Variants in PSD4 observed in about 807,000 individuals in gnomAD.
PSD4 encodes pleckstrin and Sec7 domain containing 4, also known as PH and SEC7 domain-containing protein 4.
In PSD4, 59 loss-of-function variants were observed where a neutral mutation model predicts 112.5. The observed-to-expected ratio is 0.52, with a 90% CI of 0.43 to 0.65. The LOEUF is 0.65. Among genes scored for constraint, PSD4 ranks in the 30% least tolerant of loss-of-function variants. The pLI, the probability that PSD4 is intolerant of heterozygous loss-of-function variation, is 0.00. For missense variants in PSD4, 1,267 were observed against 1,352.6 expected (o/e 0.94, Z 0.99); for synonymous variants, 533 against 540.0 (o/e 0.99, Z 0.18).
chr2:113,197,767 G>A lies in PSD4; in HGVS notation c.2478G>A (p.Leu826=). ...GGTAGCAGGGAGAAGACCACTGTCTGGAGGGGGAGAGCTTGGTGGGGCAGA... is the reference window on the plus strand; with the variant it reads ...GGTAGCAGGGAGAAGACCACTGTCTAGAGGGGGAGAGCTTGGTGGGGCAGA... The part of the protein sequence containing the change: ...YFLKQGEDHC[L]EGESLVGQMV... Residue 826 remains leucine, a synonymous_variant, in exon 14 of 17, where the codon CTG becomes CTA. Coordinates refer to ENST00000245796, the MANE Select transcript of PSD4 (RefSeq NM_012455.3). 6.2e-7 allele frequency: 1 copy of A among 1,610,504 alleles called. No individual in the cohort carries two copies.
chr2:113,193,716 C>A, intron 9 of PSD4, 66 bp downstream of exon 9: 1 of 1,573,020 alleles, frequency 6.4e-7, no homozygotes, highest in South Asian at 1.1e-5. Context: ...GAGGAGAAGA[C>A]CAGAGGCCTG....
intron 14 of PSD4, chr2:113,198,256 G>A (rs976282420): frequency 3.3e-6 from 1 of 298,868 alleles, no homozygotes; most frequent in Non-Finnish European, 6.1e-6. Flanking sequence ...CACCTTCTCA[G>A]ATTGTCCTCT....
At position 113,202,199 on chromosome 2, in the gene PSD4, CT is replaced by C. The variant is rs1020213909; in HGVS notation, c.*787del. On this transcript the variant is annotated 3_prime_UTR_variant, in exon 17 of 17. Coordinates refer to ENST00000245796, the MANE Select transcript of PSD4 (RefSeq NM_012455.3). ...GCTGGGCGGGGTGGGGCCTCCAGAG[CT>C]TTGCAGGGAACCCTGGAACCCTAGG... 3.3e-5 allele frequency: 5 copies of C among 152,512 alleles called. No individual in the cohort carries two copies. Among genetic ancestry groups the C allele is most frequent in the Admixed American group, 1.3e-4 (2 of 15,292 alleles). The allele number at this position is 152,512 out of a possible 1,614,324, so 9.4% of individuals were successfully genotyped here. A position where few individuals can be genotyped will look rare whatever the true frequency, so the allele number is the denominator to read the frequency against.
At chr2:113,187,010 A>G (rs1688318640) in intron 5 of PSD4, among the ~76,000 whole-genome samples, 1 of 152,224 alleles carries the variant, frequency 6.6e-6, no homozygotes, top group South Asian at 2.1e-4. Context: ...CAGTCCATGC[A>G]GGTTAGCTGT....
rs972248820 is a variant in PSD4, at chr2:113,204,757, A to C, written c.*3342A>C. 1 of 152,114 alleles carries C rather than the reference A, an allele frequency of 6.6e-6. No individual in the cohort carries two copies. Among genetic ancestry groups the C allele is most frequent in the African/African-American group, 2.4e-5 (1 of 41,416 alleles). 9.4% of individuals were successfully genotyped at this position (152,114 alleles called of 1,614,324 possible). On this transcript the variant is annotated 3_prime_UTR_variant, in exon 17 of 17. Transcript: ENST00000245796. ...CTTGCCAGGCACCAGGGTAGATAAA[A>C]AGATCACCAAGACCCGCACCTTTTT...
At chr2:113,197,117 G>T in intron 12 of PSD4, 1 of 250,664 alleles carries the variant, frequency 4.0e-6, no homozygotes, top group South Asian at 4.2e-5. Context: ...TGCTCAGAGT[G>T]GGGTACACAG....
chr2:113,182,321 C>A (rs1157490291), intron 1 of PSD4, 25 bp from the exon 2 acceptor site: 2 of 844,386 alleles, frequency 2.4e-6, no homozygotes, highest in Non-Finnish European at 3.7e-6. Context: ...CTTCCCTAAC[C>A]TGCACTTGCT....
At chr2:113,181,716 T>G (rs188663455) in intron 1 of PSD4, among the ~76,000 whole-genome samples, 1 of 152,324 alleles carries the variant, frequency 6.6e-6, no homozygotes, top group East Asian at 1.9e-4. Context: ...GAGAGCCCCT[T>G]GCTGCTTCCA....
chr2:113,192,533 C>G lies in PSD4; in HGVS notation c.1782C>G (p.Arg594=). ...AGGTAGCCTGGAACTTGGCCTCACG[C>G]CTCTATCGCCTGGAGGGCTTCCGGA... is the stretch of plus-strand genomic sequence containing the variant. The part of the protein sequence containing the change: ...NNKVAWNLAS[R]LYRLEGFRKS... Residue 594 remains arginine, a synonymous_variant, in exon 6 of 17, where the codon CGC becomes CGG. Transcript: ENST00000245796. 1 of 1,614,236 alleles carries G rather than the reference C, an allele frequency of 6.2e-7. No individual in the cohort carries two copies. Among genetic ancestry groups the G allele is most frequent in the Non-Finnish European group, 8.5e-7 (1 of 1,180,036 alleles).
In PSD4 at chr2:113,202,893, A is replaced by G; in HGVS notation, c.*1478A>G. 6.6e-6 allele frequency: 1 copy of G among 152,452 alleles called. No homozygotes were observed. Among genetic ancestry groups the G allele is most frequent in the African/African-American group, 2.4e-5 (1 of 41,596 alleles). The allele number at this position is 152,452 out of a possible 1,614,324, so 9.4% of individuals were successfully genotyped here. ...GCTAGGCCATGCACCCAATGGGTGC[A>G]CAATAAATAACAGGTCAACAAAGAG... On this transcript the variant is annotated 3_prime_UTR_variant, in exon 17 of 17. Coordinates refer to ENST00000245796, the MANE Select transcript of PSD4 (RefSeq NM_012455.3).
chr2:113,183,598 T>C, intron 2 of PSD4, 86 bp downstream of exon 2: 1 of 1,283,450 alleles, frequency 7.8e-7, no homozygotes, highest in Non-Finnish European at 1.1e-6. Context: ...GCCCAGAACA[T>C]TCTTTTCTGA....
rs1276070955 is a variant in PSD4 at position 113,206,334 on chromosome 2, C to G, written c.*4919C>G. On this transcript the variant is annotated 3_prime_UTR_variant, in exon 17 of 17. Transcript: ENST00000245796. ...AATTCACACCTTACAAATCGGCGTC[C>G]ACCCCACCTTTGCCTGAAATGGCAC... The G allele has an allele frequency of 6.6e-6, 1 of 152,296 alleles. No homozygotes were observed. Among genetic ancestry groups the G allele is most frequent in the Non-Finnish European group, 1.5e-5 (1 of 68,074 alleles). 9.4% of individuals were successfully genotyped at this position (152,296 alleles called of 1,614,324 possible).
At chr2:113,183,643 A>G in intron 2 of PSD4, 131 bp downstream of exon 2, 1 of 837,872 alleles carries the variant, frequency 1.2e-6, no homozygotes. Context: ...GCATCAGTAT[A>G]TAGCAGGGTA....
intron 10 of PSD4, among the ~76,000 whole-genome samples, chr2:113,194,718 A>G (rs1300693398): frequency 6.6e-6 from 1 of 152,232 alleles, no homozygotes; most frequent in Admixed American, 6.5e-5. Flanking sequence ...CTGTATTTGT[A>G]TATCTAAACA....
intron 1 of PSD4, among the ~76,000 whole-genome samples, chr2:113,174,322 G>A (rs944075600): frequency 1.3e-5 from 2 of 152,084 alleles, no homozygotes; most frequent in Non-Finnish European, 2.9e-5. Flanking sequence ...CTGGCCCCAC[G>A]GACCTCTGTT....
At chr2:113,201,026 G>C in intron 16 of PSD4, 132 bp from the exon 17 acceptor site, 1 of 1,159,020 alleles carries the variant, frequency 8.6e-7, no homozygotes. Context: ...ACTCACGGTT[G>C]GTCCAGCCCT....
In PSD4 at chr2:113,185,988, G is replaced by T. The variant is rs1688289274; in HGVS notation, c.1361G>T (p.Arg454Ile). 1 of 1,614,042 alleles carries T rather than the reference G, an allele frequency of 6.2e-7. No individual in the cohort carries two copies. Among genetic ancestry groups the T allele is most frequent in the Non-Finnish European group, 8.5e-7 (1 of 1,179,990 alleles). ...CCTAGCAGCCCAGAATCTGAGAGCA[G>T]AGGCCCTGGTCCCAGGCCCAGCCCT... The part of the protein sequence containing the change: ...PEPSSPESES[R>I]GPGPRPSPAS... Residue 454 changes from arginine (R) to isoleucine (I), a missense_variant, in exon 5 of 17, where the codon AGA becomes ATA. By Grantham distance (97) the Arg-to-Ile change is moderately conservative. Transcript: ENST00000245796.
Position 113,183,483 on chromosome 2 carries a change from G to A in PSD4, c.1027G>A (p.Ala343Thr), listed in dbSNP as rs1376204242. 6.3e-7 allele frequency: 1 copy of A among 1,588,302 alleles called. No homozygotes were observed. The highest frequency in any genetic ancestry group is 1.2e-5 in the South Asian group (1 of 86,456). Residue 343 changes from alanine (A) to threonine (T), a missense_variant, in exon 2 of 17, where the codon GCA becomes ACA. Physicochemically the swap from Ala to Thr is moderately conservative, Grantham distance 58. Around this residue, in one of 2 missense-constraint regions of PSD4, gnomAD observed 723 missense variants for 704.0 expected, o/e 1.03. Coordinates refer to ENST00000245796, the MANE Select transcript of PSD4 (RefSeq NM_012455.3). ...ASVAAAEGAP[A>T]APPGHGESEG... ...AGTGGCTGCCGCTGAGGGGGCTCCT[G>A]CAGCACCTCCTGGTCACGGGGAGAG...
rs1688884953 is a variant in PSD4 at position 113,207,859 on chromosome 2, C to T, written c.*6444C>T. 1 of 152,200 alleles carries T rather than the reference C, an allele frequency of 6.6e-6. No individual in the cohort carries two copies. Among genetic ancestry groups the T allele is most frequent in the Admixed American group, 6.5e-5 (1 of 15,280 alleles). The allele number at this position is 152,200 out of a possible 1,614,324, so 9.4% of individuals were successfully genotyped here. ...CCACTGCTTCCCCAGGGCCTGATAT[C>T]TAGAGTCGAAAGAATGCACATCTCA... On this transcript the variant is annotated 3_prime_UTR_variant, in exon 17 of 17. Coordinates refer to ENST00000245796, the MANE Select transcript of PSD4 (RefSeq NM_012455.3).
Sources: allele counts gnomAD v4.1 joint callset (sites outside exome capture counted in the v4.1 genomes callset), GRCh38; gene constraint gnomAD v4.1.1; regional missense constraint gnomAD v4.1.1; transcripts MANE v1.5; gene names NCBI Gene and HGNC (gene_info 2026-07-23, HGNC 2026-07-21).